The following SETBP1 variants were observed in gnomAD, a reference collection of about 807,000 sequenced individuals.
SETBP1 encodes SET binding protein 1.
A neutral mutation model predicts 101.0 loss-of-function variants in SETBP1; 9 were observed. That is an observed-to-expected ratio of 0.09 (90% confidence interval 0.05 to 0.16). The LOEUF (loss-of-function observed/expected upper bound fraction) is 0.16. Among genes scored for constraint, SETBP1 ranks in the 10% least tolerant of loss-of-function variants. The pLI, the probability that SETBP1 is intolerant of heterozygous loss-of-function variation, is 1.00. For missense variants in SETBP1, 1,858 were observed against 2,033.8 expected (o/e 0.91, Z 1.66); for synonymous variants, 818 against 788.5 (o/e 1.04, Z -0.63).
At chr18:44,764,655 A>C (rs142179280) in intron 2 of SETBP1, among the ~76,000 whole-genome samples, 2,968 of 152,080 alleles carry the variant, frequency 0.02, 45 homozygotes, top group Non-Finnish European at 0.032. Context: ...TTGTATTTTT[A>C]GTAGAGACGG....
At chr18:44,869,387 A>T in intron 3 of SETBP1, 104 bp downstream of exon 3, 2 of 1,038,230 alleles carry the variant, frequency 1.9e-6, no homozygotes, top group South Asian at 2.5e-5. Flanking sequence ...CGAACCTTGG[A>T]TTTCTAGCTT....
intron 4 of SETBP1, among the ~76,000 whole-genome samples, chr18:45,037,457 G>T (rs745928748): frequency 7.9e-5 from 12 of 152,116 alleles, no homozygotes; most frequent in Non-Finnish European, 1.6e-4. Context: ...CACGGAGTAT[G>T]CACTAGGCAC....
At chr18:44,957,240 A>G (rs1167337168) in intron 4 of SETBP1, among the ~76,000 whole-genome samples, 1 of 152,186 alleles carries the variant, frequency 6.6e-6, no homozygotes, top group Non-Finnish European at 1.5e-5. Flanking sequence ...CTCAAAGCCA[A>G]GTTTTCACAA....
intron 5 of SETBP1, among the ~76,000 whole-genome samples, chr18:45,058,944 C>G (rs193050481): frequency 6.6e-6 from 1 of 152,140 alleles, no homozygotes; most frequent in African/African-American, 2.4e-5. Flanking sequence ...ATGACCTTCA[C>G]GGGGAACATC....
In SETBP1 at chr18:44,951,565, C is replaced by T; in HGVS notation, c.2225C>T (p.Pro742Leu). 6.2e-7 allele frequency: 1 copy of T among 1,614,124 alleles called. No individual in the cohort carries two copies. The highest frequency in any genetic ancestry group is 2.2e-5 in the East Asian group (1 of 44,856). Reference protein sequence around the residue: ...RAELPPPSEEPKTAIKHPRPV... With the variant: ...RAELPPPSEELKTAIKHPRPV... ...GAGCTGCCACCCCCATCCGAAGAAC[C>T]CAAAACAGCCATCAAGCACCCCAGG... The change falls in exon 4 of 6, where the codon CCC becomes CTC. Residue 742 changes from proline (P) to leucine (L), a missense_variant. This residue lies in a region of SETBP1 where 121 missense variants were observed against 138.0 expected (regional missense o/e 0.88). Coordinates refer to ENST00000649279, the MANE Select transcript of SETBP1 (RefSeq NM_015559.3). This position sits in a 1 kb window ranked among gnomAD's most constrained non-coding sequence, Gnocchi z 7.8.
intron 1 of SETBP1, among the ~76,000 whole-genome samples, chr18:44,684,835 C>T (rs766631646): frequency 2.6e-5 from 4 of 152,032 alleles, no homozygotes; most frequent in Non-Finnish European, 4.4e-5. Context: ...TTAGTAGAGA[C>T]GGGGTTTCAC....
Position 44,953,287 on chromosome 18 carries a change from C to A in SETBP1, c.3947C>A (p.Ala1316Asp), listed in dbSNP as rs900371122. 6 of 1,613,942 alleles carry A rather than the reference C, an allele frequency of 3.7e-6. No homozygotes were observed. The African/African-American group carries it at 5.3e-5, about 14-fold the overall frequency. ...ACGTACAGGGAAAAGGACATCCAAG[C>A]CTTCAAGATGAACCGCAAGGAGAGA... The part of the protein sequence containing the change: ...FGTYREKDIQ[A>D]FKMNRKERSS... Residue 1316 changes from alanine (A) to aspartate (D), a missense_variant, in exon 4 of 6, where the codon GCC becomes GAC. Ala to Asp is a moderately radical substitution (Grantham distance 126, BLOSUM62 -2). This residue lies in a region of SETBP1 where 417 missense variants were observed against 389.1 expected (regional missense o/e 1.07). Transcript: ENST00000649279.
At chr18:44,927,150 A>T (rs1328853265) in intron 3 of SETBP1, among the ~76,000 whole-genome samples, 1 of 152,164 alleles carries the variant, frequency 6.6e-6, no homozygotes, top group Non-Finnish European at 1.5e-5. Context: ...CGTCCTTCAC[A>T]ACTAAGATTT....
At chr18:45,035,952 T>G (rs2073387855) in intron 4 of SETBP1, among the ~76,000 whole-genome samples, 1 of 152,254 alleles carries the variant, frequency 6.6e-6, no homozygotes, top group Admixed American at 6.5e-5. Context: ...CATAGGCTTC[T>G]GGATATTTTC....
At position 44,701,392 on chromosome 18, in the gene SETBP1, G is replaced by A. The variant is rs587784381; in HGVS notation, c.46G>A (p.Glu16Lys). The change falls in exon 2 of 6, where the codon GAG becomes AAG. Residue 16 changes from glutamate (E) to lysine (K), a missense_variant. By Grantham distance (56) the Glu-to-Lys change is moderately conservative. This residue lies in a region of SETBP1 where 97 missense variants were observed against 101.2 expected (regional missense o/e 0.96). Transcript: ENST00000649279. ...TLSSSRQRGG[E>K]SDFLPVSSAK... ...AAGCAGCTCCCGGCAAAGAGGGGGCGAGTCAGACTTCCTGCCGGTCTCCTC... is the reference window on the plus strand; with the variant it reads ...AAGCAGCTCCCGGCAAAGAGGGGGCAAGTCAGACTTCCTGCCGGTCTCCTC... 185 of 1,554,618 alleles carry A rather than the reference G, an allele frequency of 1.2e-4. No individual in the cohort carries two copies. Among genetic ancestry groups the A allele is most frequent in the Non-Finnish European group, 1.5e-4 (167 of 1,147,832 alleles).
intron 4 of SETBP1, among the ~76,000 whole-genome samples, chr18:44,968,034 T>C: frequency 6.6e-6 from 1 of 152,130 alleles, no homozygotes; most frequent in Admixed American, 6.6e-5. Context: ...AAAACATTAA[T>C]TCTAGAACTG....
intron 3 of SETBP1, among the ~76,000 whole-genome samples, chr18:44,911,882 A>G (rs1280164020): frequency 6.6e-6 from 1 of 152,208 alleles, no homozygotes; most frequent in Non-Finnish European, 1.5e-5. Context: ...ACCATTAAGG[A>G]ACTTCAACAG....
At chr18:45,028,020 T>C (rs1212701372) in intron 4 of SETBP1, among the ~76,000 whole-genome samples, 1 of 152,064 alleles carries the variant, frequency 6.6e-6, no homozygotes, top group Non-Finnish European at 1.5e-5. Flanking sequence ...TTTATTTTAT[T>C]ATTATTATAC....
intron 4 of SETBP1, among the ~76,000 whole-genome samples, chr18:45,013,457 T>G (rs1034980222): frequency 6.6e-6 from 1 of 152,120 alleles, no homozygotes; most frequent in Non-Finnish European, 1.5e-5. Context: ...TTTTGTTTTT[T>G]GAGACAGAGT....
intron 2 of SETBP1, among the ~76,000 whole-genome samples, chr18:44,788,593 A>G (rs1363652351): frequency 2.0e-5 from 3 of 152,060 alleles, no homozygotes; most frequent in Non-Finnish European, 4.4e-5. Flanking sequence ...TCTTTGCAGT[A>G]TTTCCACTCA....
intron 5 of SETBP1, among the ~76,000 whole-genome samples, chr18:45,044,899 G>T (rs1258343728): frequency 6.6e-6 from 1 of 152,184 alleles, no homozygotes; most frequent in African/African-American, 2.4e-5. Context: ...GTCCTAACAG[G>T]CAATAAAATC....
chr18:44,801,135 G>A (rs1251446133), intron 2 of SETBP1, among the ~76,000 whole-genome samples: 1 of 152,170 alleles, frequency 6.6e-6, no homozygotes, highest in East Asian at 1.9e-4. Flanking sequence ...CTGTCGTGGG[G>A]TAGGAGGAGC....
chr18:44,906,468 C>G (rs2070178474), intron 3 of SETBP1, among the ~76,000 whole-genome samples: 1 of 152,178 alleles, frequency 6.6e-6, no homozygotes, highest in African/African-American at 2.4e-5. Context: ...AACCATTCCT[C>G]ATAGCTCACT....
intron 3 of SETBP1, among the ~76,000 whole-genome samples, chr18:44,884,118 A>C (rs2069588949): frequency 1.3e-5 from 2 of 152,186 alleles, no homozygotes; most frequent in South Asian, 4.1e-4. Context: ...AGTAGCATCC[A>C]AAGGCAAGGC....
Sources: gnomAD v4.1 joint callset for allele counts (sites outside exome capture counted in the v4.1 genomes callset) on GRCh38, gnomAD v4.1.1 for gene constraint, gnomAD v4.1.1 regional missense constraint, Gnocchi (gnomAD v3.1) non-coding constraint, MANE v1.5 for transcripts, NCBI Gene and HGNC (gene_info 2026-07-23, HGNC 2026-07-21) for gene names.